Variants in LDB3 observed in about 807,000 individuals in gnomAD.
LDB3 encodes the protein LIM domain binding 3.
A neutral mutation model predicts 69.0 loss-of-function variants in LDB3; 49 were observed. The ratio of observed to expected loss-of-function variants is 0.71; its 90% CI spans 0.56 to 0.90. The LOEUF (loss-of-function observed/expected upper bound fraction) is 0.90, where lower values mean the gene tolerates loss of function less well. Among genes scored for constraint, LDB3 ranks in the 40% least tolerant of loss-of-function variants. The probability of loss-of-function intolerance (pLI) is 0.00; values close to 1 mark genes in which losing one functional copy is unlikely to be tolerated. For missense variants in LDB3, 928 were observed against 974.1 expected (o/e 0.95, Z 0.63); for synonymous variants, 387 against 396.2 (o/e 0.98, Z 0.28).
chr10:86,686,722 A>G (rs999860751), intron 5 of LDB3, among the ~76,000 whole-genome samples: 1 of 150,716 alleles, frequency 6.6e-6, no homozygotes, highest in Admixed American at 6.6e-5. Flanking sequence ...TGAGAGGATC[A>G]CTTGAGCCCA....
At chr10:86,680,879 C>T (rs987489054) in intron 4 of LDB3, among the ~76,000 whole-genome samples, 9 of 152,208 alleles carry the variant, frequency 5.9e-5, no homozygotes, top group African/African-American at 2.2e-4. Flanking sequence ...GAAAAAGAGG[C>T]TGACAGGGGT....
rs1338705473 is a variant in LDB3, at chr10:86,735,961, A to G, written c.*2985A>G. ...TTTTTGGAAACATTTCAGAAGTGGA[A>G]TGTAGCCTGTTAAAGGTGTGCACAA... is the stretch of plus-strand genomic sequence containing the variant. On this transcript the variant is annotated 3_prime_UTR_variant, in exon 14 of 14. Coordinates refer to ENST00000361373, the MANE Select transcript of LDB3 (RefSeq NM_007078.3). 6.6e-6 allele frequency: 1 copy of G among 150,496 alleles called. No homozygotes were observed. Among genetic ancestry groups the G allele is most frequent in the Non-Finnish European group, 1.5e-5 (1 of 67,732 alleles). 9.3% of individuals were successfully genotyped at this position (150,496 alleles called of 1,614,324 possible).
At chr10:86,721,247 T>C (rs1439437934) in intron 12 of LDB3, among the ~76,000 whole-genome samples, 1 of 152,238 alleles carries the variant, frequency 6.6e-6, no homozygotes, top group Admixed American at 6.5e-5. Flanking sequence ...TATTTTCTGT[T>C]TTTTAAAAAA....
At chr10:86,671,171 T>C (rs568852142) in intron 2 of LDB3, among the ~76,000 whole-genome samples, 2 of 152,330 alleles carry the variant, frequency 1.3e-5, no homozygotes, top group African/African-American at 2.4e-5. Flanking sequence ...CTTCAGAGCC[T>C]GGCAAACTGA....
intron 7 of LDB3, among the ~76,000 whole-genome samples, chr10:86,700,558 A>G (rs761193253): frequency 5.9e-5 from 9 of 152,164 alleles, no homozygotes; most frequent in Non-Finnish European, 7.3e-5. Flanking sequence ...AAAGAGATGG[A>G]AGGCAGCCCT....
At chr10:86,710,673 C>T (rs1158424249) in intron 9 of LDB3, among the ~76,000 whole-genome samples, 1 of 152,226 alleles carries the variant, frequency 6.6e-6, no homozygotes, top group Non-Finnish European at 1.5e-5. Context: ...CAGGTCCTAT[C>T]CAGGCGCAGG....
At chr10:86,732,566 A>G in intron 13 of LDB3, 1 of 463,102 alleles carries the variant, frequency 2.2e-6, no homozygotes, top group Non-Finnish European at 4.3e-6. Flanking sequence ...CAGTGGCACA[A>G]TCACAGCTCA....
At chr10:86,726,515 C>T (rs1433561795) in intron 13 of LDB3, 17 of 493,852 alleles carry the variant, frequency 3.4e-5, no homozygotes, top group South Asian at 1.6e-4. Context: ...GGCAAACCAG[C>T]GGCTTGTCTC....
rs1414296864 is a variant in LDB3 at position 86,733,996 on chromosome 10, A to C, written c.*1020A>C. On this transcript the variant is annotated 3_prime_UTR_variant, in exon 14 of 14. Coordinates refer to ENST00000361373, the MANE Select transcript of LDB3 (RefSeq NM_007078.3). ...GACAGTGTCTGAAACAGGATGGCAG[A>C]ATAGGCTCACATGCCCAAACTCTGG... The C allele has an allele frequency of 6.6e-6, 1 of 152,232 alleles. No individual in the cohort carries two copies. Among genetic ancestry groups the C allele is most frequent in the Non-Finnish European group, 1.5e-5 (1 of 68,062 alleles). 9.4% of individuals were successfully genotyped at this position (152,232 alleles called of 1,614,324 possible).
intron 5 of LDB3, among the ~76,000 whole-genome samples, chr10:86,691,528 C>G (rs1371250822): frequency 6.6e-6 from 1 of 152,200 alleles, no homozygotes; most frequent in African/African-American, 2.4e-5. Flanking sequence ...CTCTCTCCAG[C>G]CAGCCCCAAA....
At chr10:86,705,823 G>A (rs981822620) in intron 7 of LDB3, among the ~76,000 whole-genome samples, 1 of 152,214 alleles carries the variant, frequency 6.6e-6, no homozygotes, top group Non-Finnish European at 1.5e-5. Context: ...GGGATCTTTG[G>A]GCTATTTCAG....
At chr10:86,681,870 G>C in intron 5 of LDB3, 67 bp downstream of exon 5, 1 of 1,484,860 alleles carries the variant, frequency 6.7e-7, no homozygotes, top group Non-Finnish European at 9.0e-7. Context: ...GCTCGGCAGA[G>C]ACCTGGTCAG....
In LDB3 at chr10:86,685,552, A is replaced by C. The variant is rs537635514; in HGVS notation, c.689+3749A>C. Reference sequence around the variant, plus strand: ...TCCCTCCTCACTCCTTGCTCTCCTCACCCATTGCGGTTTGGGCTGGTTCTG... The same window carrying C: ...TCCCTCCTCACTCCTTGCTCTCCTCCCCCATTGCGGTTTGGGCTGGTTCTG... On this transcript the variant is annotated intron_variant, in intron 5 of 13. Transcript: ENST00000361373. 4 of 882,892 alleles carry C rather than the reference A, an allele frequency of 4.5e-6. No homozygotes were observed. The East Asian group carries it at 9.6e-5, about 21-fold the overall frequency. 54.7% of individuals were successfully genotyped at this position (882,892 alleles called of 1,614,324 possible).
chr10:86,723,626 T>G (rs770101924), intron 12 of LDB3, among the ~76,000 whole-genome samples: 2 of 152,116 alleles, frequency 1.3e-5, no homozygotes, highest in Admixed American at 6.6e-5. Flanking sequence ...CCATACCAGA[T>G]AGTAGTAAGT....
At chr10:86,694,961 T>C (rs981195626) in intron 7 of LDB3, among the ~76,000 whole-genome samples, 3 of 152,190 alleles carry the variant, frequency 2.0e-5, no homozygotes, top group Non-Finnish European at 4.4e-5. Context: ...CTACCTTCTC[T>C]TTCTCCTCCC....
intron 13 of LDB3, among the ~76,000 whole-genome samples, chr10:86,730,846 T>C (rs1847428214): frequency 6.6e-6 from 1 of 152,206 alleles, no homozygotes; most frequent in Non-Finnish European, 1.5e-5. Context: ...GTTGTCATCA[T>C]GGGGATATAG....
At chr10:86,676,502 T>C (rs1337270311) in intron 2 of LDB3, among the ~76,000 whole-genome samples, 1 of 145,400 alleles carries the variant, frequency 6.9e-6, no homozygotes, top group Non-Finnish European at 1.5e-5. Context: ...GAGGCGGAGG[T>C]TGCAGTGAGC....
chr10:86,697,714 T>A (rs1846073723), intron 7 of LDB3, among the ~76,000 whole-genome samples: 1 of 151,414 alleles, frequency 6.6e-6, no homozygotes. Context: ...CCATCACACC[T>A]GGCTAACTTT....
At position 86,692,125 on chromosome 10, in the gene LDB3, C is replaced by T. The variant is rs1336850385; in HGVS notation, c.859+60C>T. The T allele has an allele frequency of 6.3e-6, 10 of 1,590,048 alleles. No individual in the cohort carries two copies. In the African/African-American group the frequency reaches 6.7e-5, roughly 11 times the overall value. On this transcript the variant is annotated intron_variant, in intron 6 of 13. Transcript: ENST00000361373. ...GGAGATGCTGAGGGGCCACCAGGGA[C>T]CTGGGCCCAGCACTGCAGAAGCCAG...
Sources: gnomAD v4.1 joint callset for allele counts (sites outside exome capture counted in the v4.1 genomes callset) on GRCh38, gnomAD v4.1.1 for gene constraint, MANE v1.5 for transcripts, NCBI Gene and HGNC (gene_info 2026-07-23, HGNC 2026-07-21) for gene names.